Variants in SLC6A9 observed in about 807,000 individuals in gnomAD.
The protein encoded by SLC6A9 is sodium- and chloride-dependent glycine transporter 1.
SLC6A9 carries 31 observed loss-of-function variants against 70.9 expected under a neutral mutation model. The observed-to-expected ratio is 0.44, with a 90% CI of 0.33 to 0.59. The LOEUF is 0.59. Ranked by LOEUF, SLC6A9 falls within the 20% of genes least tolerant of loss-of-function variation. The pLI, the probability that SLC6A9 is intolerant of heterozygous loss-of-function variation, is 0.04. For synonymous variants in SLC6A9, 310 were observed against 341.3 expected, an observed-to-expected ratio of 0.91 and a Z score of 1.01; for missense variants, 631 against 845.2, an observed-to-expected ratio of 0.75 and a Z score of 3.14.
intron 3 of SLC6A9, 63 bp downstream of exon 3, chr1:44,010,663 C>A: frequency 6.5e-7 from 1 of 1,531,612 alleles, no homozygotes; most frequent in South Asian, 1.2e-5. Flanking sequence ...GAGAGGGTGG[C>A]CCAGGCCCTG....
At chr1:44,005,797 C>T (rs1027744124) in intron 5 of SLC6A9, among the ~76,000 whole-genome samples, 9 of 152,232 alleles carry the variant, frequency 5.9e-5, no homozygotes, top group Admixed American at 5.9e-4. Context: ...GCCTGGGTTG[C>T]TCTCTTCAGG....
intron 1 of SLC6A9, among the ~76,000 whole-genome samples, chr1:44,027,306 A>G (rs2154307750): frequency 6.6e-6 from 1 of 152,324 alleles, no homozygotes. Context: ...TAAGTTACTT[A>G]ACCTCTTTGA....
chr1:44,016,705 G>A (rs1214558247), intron 2 of SLC6A9: 6 of 268,682 alleles, frequency 2.2e-5, no homozygotes, highest in Non-Finnish European at 4.2e-5. Context: ...CAATGAGGCT[G>A]TATTGATTAG....
chr1:44,025,461 C>T (rs2086964947), intron 1 of SLC6A9, among the ~76,000 whole-genome samples: 2 of 149,312 alleles, frequency 1.3e-5, no homozygotes, highest in South Asian at 4.3e-4. Context: ...CATTGCACTC[C>T]AGCCTGGGCG....
chr1:44,004,262 C>A (rs1032696839), intron 5 of SLC6A9, among the ~76,000 whole-genome samples: 1 of 152,142 alleles, frequency 6.6e-6, no homozygotes, highest in African/African-American at 2.4e-5. Flanking sequence ...TCCCAAAGTG[C>A]TGGGATTACA....
intron 2 of SLC6A9, chr1:44,015,781 C>T (rs2086719388): frequency 1.2e-6 from 1 of 848,312 alleles, no homozygotes; most frequent in Admixed American, 6.2e-5. Flanking sequence ...CAGAGAGACC[C>T]AGCTGCAGCT....
At position 44,024,417 on chromosome 1, in the gene SLC6A9, C is replaced by T. The variant is rs569753927; in HGVS notation, c.-85-55G>A. On this transcript the variant is annotated intron_variant, in intron 1 of 13. Transcript: ENST00000372310. ...ACTTGGCCGTGTGGCCCACAGGGCTCTCCAGACAGGTAGTGCCGAGCCACC... is the reference window on the plus strand; with the variant it reads ...ACTTGGCCGTGTGGCCCACAGGGCTTTCCAGACAGGTAGTGCCGAGCCACC... 4.3e-4 allele frequency: 463 copies of T among 1,072,766 alleles called. 1 individual carries two copies. The highest frequency in any genetic ancestry group is 1.0e-3 in the Middle Eastern group (5 of 4,886). 66.5% of individuals were successfully genotyped at this position (1,072,766 alleles called of 1,614,324 possible).
Position 43,997,609 on chromosome 1 carries a change from T to G in SLC6A9, c.1838A>C (p.Asp613Ala). 6.2e-7 allele frequency: 1 copy of G among 1,613,922 alleles called. No individual in the cohort carries two copies. Among genetic ancestry groups the G allele is most frequent in the Middle Eastern group, 1.6e-4 (1 of 6,062 alleles). ...GCCCACAATGGGGATCTGCGCCTTGTCCGGGTGCAGTGGCTGGACCTCGAA... is the reference window on the plus strand; with the variant it reads ...GCCCACAATGGGGATCTGCGCCTTGGCCGGGTGCAGTGGCTGGACCTCGAA... ...DGFEVQPLHPDKAQIPIVGSN... is the reference protein window; with the variant it reads ...DGFEVQPLHPAKAQIPIVGSN... The change falls in exon 14 of 14, where the codon GAC (aspartate) becomes GCC (alanine). Residue 613 changes from aspartate (D) to alanine (A), a missense_variant. By Grantham distance (126) the Asp-to-Ala change is moderately radical. Transcript: ENST00000372310. This position sits in a 1 kb window ranked among gnomAD's most constrained non-coding sequence, Gnocchi z 4.4.
At position 44,001,063 on chromosome 1, in the gene SLC6A9, ACAG is replaced by A; in HGVS notation, c.1336-11_1336-9del. On this transcript the variant is annotated splice_polypyrimidine_tract_variant and intron_variant, in intron 10 of 13. Coordinates refer to ENST00000372310, the MANE Select transcript of SLC6A9 (RefSeq NM_001024845.3). ...CAGCCAATAGATGCCTGCCTGGGGA[ACAG>A]CGGGCAGCTGTGGGAGGCGCCTGCA... The A allele has an allele frequency of 6.3e-7, 1 of 1,592,570 alleles. No individual in the cohort carries two copies. The highest frequency in any genetic ancestry group is 8.6e-7 in the Non-Finnish European group (1 of 1,167,696).
At chr1:44,011,725 G>A in intron 2 of SLC6A9, 1 of 1,613,778 alleles carries the variant, frequency 6.2e-7, no homozygotes, top group Non-Finnish European at 8.5e-7. Flanking sequence ...AGCGTCACCT[G>A]CAGGGGAGGG....
chr1:43,996,562 C>T lies in SLC6A9; in HGVS notation c.*983G>A, dbSNP rs938858760. 5 of 192,406 alleles carry T rather than the reference C, an allele frequency of 2.6e-5. No homozygotes were observed. The highest frequency in any genetic ancestry group is 1.3e-4 in the South Asian group (1 of 7,490). 11.9% of individuals were successfully genotyped at this position (192,406 alleles called of 1,614,324 possible). A position where few individuals can be genotyped will look rare whatever the true frequency, so the allele number is the denominator to read the frequency against. On this transcript the variant is annotated 3_prime_UTR_variant, in exon 14 of 14. Transcript: ENST00000372310. Reference sequence around the variant, plus strand: ...GTGCACAATGGGCAGGGATGGGCGGCGCACCGTTATTGCTACAGAGGATTA... The same window carrying T: ...GTGCACAATGGGCAGGGATGGGCGGTGCACCGTTATTGCTACAGAGGATTA...
At chr1:43,999,702 C>T (rs992948978) in intron 12 of SLC6A9, among the ~76,000 whole-genome samples, 19 of 152,182 alleles carry the variant, frequency 1.2e-4, no homozygotes, top group African/African-American at 4.1e-4. Context: ...GAGGCCTCAG[C>T]CCTCCACGGG....
rs199759202 is a variant in SLC6A9, at chr1:43,996,891, C to G, written c.*654G>C. 3 of 152,948 alleles carry G rather than the reference C, an allele frequency of 2.0e-5. No individual in the cohort carries two copies. The highest frequency in any genetic ancestry group is 7.2e-5 in the African/African-American group (3 of 41,414). The allele number at this position is 152,948 out of a possible 1,614,324, so 9.5% of individuals were successfully genotyped here. On this transcript the variant is annotated 3_prime_UTR_variant, in exon 14 of 14. Transcript: ENST00000372310. ...TGGGCAGGCTGCTGGGTCACGGGCC[C>G]CTGCTGGCTGGGCCTGACAGCCAGG...
intron 1 of SLC6A9, 140 bp downstream of exon 1, chr1:44,031,166 T>TCA (rs66939562): frequency 0.13 from 19,505 of 148,098 alleles, 1,479 homozygotes; most frequent in African/African-American, 0.22. Flanking sequence ...ACATGCGCGA[T>TCA]CACACACACA....
At chr1:44,028,504 C>T (rs969375237) in intron 1 of SLC6A9, among the ~76,000 whole-genome samples, 1 of 152,150 alleles carries the variant, frequency 6.6e-6, no homozygotes, top group African/African-American at 2.4e-5. Context: ...ACCTGTAATC[C>T]CAGCACTTTG....
chr1:44,017,308 T>TGGA (rs1374374022), intron 2 of SLC6A9: 1 of 1,424,112 alleles, frequency 7.0e-7, no homozygotes, highest in Non-Finnish European at 9.1e-7. Flanking sequence ...GCTCCGGAGC[T>TGGA]GGAGTGGGGT....
chr1:44,014,421 G>A (rs3791129), intron 2 of SLC6A9, among the ~76,000 whole-genome samples: 82,468 of 151,496 alleles, frequency 0.54, 27,124 homozygotes, highest in Non-Finnish European at 0.73. Flanking sequence ...CTTCCATGGC[G>A]GGGTGGGGTG....
rs746910535 is a variant in SLC6A9 at position 44,000,766 on chromosome 1, C to T, written c.1536+1G>A. ...AGGGAGGGGCCGGCCAGGGAACTCA[C>T]GAAGATGATGGCGGGAGAGACGAAG... On this transcript the variant is annotated splice_donor_variant, in intron 12 of 13. Transcript: ENST00000372310. LOFTEE classifies it high-confidence loss of function. 9 of 1,595,890 alleles carry T rather than the reference C, an allele frequency of 5.6e-6. No homozygotes were observed. Among genetic ancestry groups the T allele is most frequent in the East Asian group, 2.2e-5 (1 of 44,710 alleles).
Position 43,996,616 on chromosome 1 carries a change from A to T in SLC6A9, c.*929T>A, listed in dbSNP as rs1008481371. 6.0e-6 allele frequency: 1 copy of T among 165,622 alleles called. No individual in the cohort carries two copies. The highest frequency in any genetic ancestry group is 2.4e-5 in the African/African-American group (1 of 41,684). 10.3% of individuals were successfully genotyped at this position (165,622 alleles called of 1,614,324 possible). A position where few individuals can be genotyped will look rare whatever the true frequency, so the allele number is the denominator to read the frequency against. On this transcript the variant is annotated 3_prime_UTR_variant, in exon 14 of 14. Coordinates refer to ENST00000372310, the MANE Select transcript of SLC6A9 (RefSeq NM_001024845.3). Reference sequence around the variant, plus strand: ...GTGGCTTGGCCGGGGCTGTCACTGCACAGAGGACGGACAAATGAACACTTC... The same window carrying T: ...GTGGCTTGGCCGGGGCTGTCACTGCTCAGAGGACGGACAAATGAACACTTC...
Sources: gnomAD v4.1 joint callset for allele counts (sites outside exome capture counted in the v4.1 genomes callset) on GRCh38, gnomAD v4.1.1 for gene constraint, Gnocchi (gnomAD v3.1) non-coding constraint, MANE v1.5 for transcripts, NCBI Gene and HGNC (gene_info 2026-07-23, HGNC 2026-07-21) for gene names.